ITPR1: variants seen among roughly 807,000 people sequenced by gnomAD.
The protein encoded by ITPR1 is inositol 1,4,5-trisphosphate receptor type 1, also known as inositol 1,4,5-trisphosphate-gated calcium channel ITPR1.
Under a neutral mutation model 318.4 loss-of-function variants are expected in ITPR1, and 96 were observed. The ratio of observed to expected loss-of-function variants is 0.30; its 90% CI spans 0.26 to 0.36. The LOEUF (loss-of-function observed/expected upper bound fraction) is 0.36, where lower values mean the gene tolerates loss of function less well. ITPR1 is among the 10% of genes least tolerant of loss of function. ITPR1 has a pLI of 1.00. For synonymous variants in ITPR1, 1,312 were observed against 1,289.9 expected, an observed-to-expected ratio of 1.02 and a Z score of -0.37; for missense variants, 2,440 against 3,460.2, an observed-to-expected ratio of 0.71 and a Z score of 7.40.
chr3:4,619,191 A>T (rs934029752), intron 4 of ITPR1, among the ~76,000 whole-genome samples: 7 of 151,840 alleles, frequency 4.6e-5, no homozygotes, highest in Non-Finnish European at 8.8e-5. Flanking sequence ...AGCCTTAAGG[A>T]TCTTCTCCTT....
chr3:4,788,722 C>T (rs1290101669), intron 52 of ITPR1, among the ~76,000 whole-genome samples: 1 of 152,248 alleles, frequency 6.6e-6, no homozygotes, highest in Non-Finnish European at 1.5e-5. Context: ...CAGGGGGCTT[C>T]TGTGTTCCTG....
intron 44 of ITPR1, among the ~76,000 whole-genome samples, chr3:4,739,642 C>T (rs1262333318): frequency 3.3e-5 from 5 of 152,182 alleles, no homozygotes; most frequent in Non-Finnish European, 7.4e-5. Context: ...ACCTCTTGTC[C>T]GTCCCACCTC....
Position 4,595,252 on chromosome 3 carries a change from C to T in ITPR1, c.164-32511C>T, listed in dbSNP as rs766362262. 7.2e-5 allele frequency among the ~76,000 whole-genome samples: 11 copies of T among 152,140 alleles called. 1 individual carries two copies. The highest frequency in any genetic ancestry group is 2.0e-4 in the Admixed American group (3 of 15,276). On this transcript the variant is annotated intron_variant, in intron 4 of 61. Coordinates refer to ENST00000649015, the MANE Select transcript of ITPR1 (RefSeq NM_001378452.1). ...AGGAAGCATGATGCTGGCATCTGCT[C>T]GGCTTCTGGGGAGGCTTCAGGAAAC...
At chr3:4,784,052 G>GCACCCA in intron 51 of ITPR1, 132 bp downstream of exon 51, 1 of 641,320 alleles carries the variant, frequency 1.6e-6, no homozygotes, top group Non-Finnish European at 2.7e-6. Context: ...GCTAGGTCCT[G>GCACCCA]GGCTGGGTGC....
At chr3:4,644,564 T>C (rs2093412373) in intron 8 of ITPR1, among the ~76,000 whole-genome samples, 1 of 152,192 alleles carries the variant, frequency 6.6e-6, no homozygotes, top group Admixed American at 6.5e-5. Flanking sequence ...TTCTAATTTG[T>C]CTCCATATAC....
intron 45 of ITPR1, among the ~76,000 whole-genome samples, chr3:4,767,960 T>G (rs942586177): frequency 2.0e-5 from 3 of 152,176 alleles, no homozygotes; most frequent in Non-Finnish European, 2.9e-5. Context: ...TAGGAGGCAG[T>G]GGAGCCAGCA....
chr3:4,561,104 C>G (rs966292802), intron 4 of ITPR1, among the ~76,000 whole-genome samples: 1 of 152,098 alleles, frequency 6.6e-6, no homozygotes, highest in Non-Finnish European at 1.5e-5. Context: ...GCTGACCTGG[C>G]TAGCTGTGAT....
At chr3:4,834,286 G>A (rs1422042653) in intron 60 of ITPR1, among the ~76,000 whole-genome samples, 2 of 152,194 alleles carry the variant, frequency 1.3e-5, no homozygotes, top group South Asian at 4.1e-4. Context: ...TATCAAAACT[G>A]TTTCTCCTTT....
chr3:4,749,576 T>G (rs142575313), intron 44 of ITPR1: 1 of 152,316 alleles, frequency 6.6e-6, no homozygotes, highest in Non-Finnish European at 1.5e-5. Flanking sequence ...CCGAAGACAT[T>G]TGCATTGGAA....
intron 61 of ITPR1, 143 bp from the exon 62 acceptor site, chr3:4,845,996 T>G: frequency 4.1e-6 from 2 of 489,260 alleles, no homozygotes; most frequent in Non-Finnish European, 7.4e-6. Flanking sequence ...AAGTGCTGTG[T>G]GTTTGATATA....
In ITPR1 at chr3:4,530,919, A is replaced by G. The variant is rs576263588; in HGVS notation, c.163+9825A>G. Among the ~76,000 whole-genome samples, 116 of 152,170 alleles carry G rather than the reference A, an allele frequency of 7.6e-4. 1 individual carries two copies. The highest frequency in any genetic ancestry group is 2.7e-3 in the African/African-American group (112 of 41,532). ...GATCTTTTTTCTCTCTTTCATGCCT[A>G]TAGTTTTGAGATTCCTTGGCTGCAT... On this transcript the variant is annotated intron_variant, in intron 4 of 61. Transcript: ENST00000649015.
chr3:4,837,009 C>T, intron 61 of ITPR1, 74 bp downstream of exon 61: 1 of 1,309,092 alleles, frequency 7.6e-7, no homozygotes, highest in Non-Finnish European at 1.0e-6. Flanking sequence ...CACACCAAAT[C>T]TGATGAGGAA....
chr3:4,693,407 TC>T, intron 32 of ITPR1, 82 bp from the exon 33 acceptor site: 1 of 1,466,040 alleles, frequency 6.8e-7, no homozygotes, highest in East Asian at 2.3e-5. Context: ...ACAGAACCTC[TC>T]TCTTCCTCTG....
intron 4 of ITPR1, among the ~76,000 whole-genome samples, chr3:4,543,663 G>C (rs1016254287): frequency 6.6e-6 from 1 of 152,066 alleles, no homozygotes; most frequent in Non-Finnish European, 1.5e-5. Context: ...GGCTGGTCTT[G>C]AACTCCTGAT....
intron 4 of ITPR1, among the ~76,000 whole-genome samples, chr3:4,589,623 A>G (rs975663700): frequency 6.6e-6 from 1 of 152,108 alleles, no homozygotes; most frequent in Non-Finnish European, 1.5e-5. Context: ...TCTTTCTACC[A>G]TGGCTGGAGC....
At chr3:4,647,026 A>C (rs1468340449) in intron 10 of ITPR1, among the ~76,000 whole-genome samples, 1 of 152,132 alleles carries the variant, frequency 6.6e-6, no homozygotes, top group Non-Finnish European at 1.5e-5. Context: ...AGAACAAGAA[A>C]TAGAATGATA....
intron 61 of ITPR1, among the ~76,000 whole-genome samples, chr3:4,840,045 T>TA (rs967313333): frequency 2.3e-5 from 1 of 43,716 alleles, no homozygotes; most frequent in African/African-American, 5.7e-5. Flanking sequence ...TTTTTTTTTT[T>TA]TTTTTTTTTT....
chr3:4,779,769 C>G lies in ITPR1; in HGVS notation c.6387+124C>G. ...CCCAAAGTCAGAAGTATAAAGGGAACATTGAATTCAGGCCTCTGACTGAGT... is the reference window on the plus strand; with the variant it reads ...CCCAAAGTCAGAAGTATAAAGGGAAGATTGAATTCAGGCCTCTGACTGAGT... On this transcript the variant is annotated intron_variant, in intron 49 of 61. Transcript: ENST00000649015. This position sits in a 1 kb window ranked among gnomAD's most constrained non-coding sequence, Gnocchi z 4.0. The G allele has an allele frequency of 1.7e-6, 1 of 596,492 alleles. No individual in the cohort carries two copies. Among genetic ancestry groups the G allele is most frequent in the South Asian group, 2.4e-5 (1 of 42,176 alleles). 36.9% of individuals were successfully genotyped at this position (596,492 alleles called of 1,614,324 possible). A position where few individuals can be genotyped will look rare whatever the true frequency, so the allele number is the denominator to read the frequency against.
rs34822261 is a variant in ITPR1, at chr3:4,787,537, G to GA, written c.6616-396dup. ...TAGTAAAACCCTGTCAATACTGGAG[G>GA]AAAAAAAAAAAAAAGCCAGGCGTGA... On this transcript the variant is annotated intron_variant, in intron 51 of 61. Coordinates refer to ENST00000649015, the MANE Select transcript of ITPR1 (RefSeq NM_001378452.1). Among the ~76,000 whole-genome samples the GA allele has an allele frequency of 1.3e-3, 169 of 130,374 alleles. 3 individuals are homozygous for GA. The highest frequency in any genetic ancestry group is 6.1e-3 in the South Asian group (24 of 3,952). The allele number at this position is 130,374 out of a possible 152,430, so 85.5% of individuals were successfully genotyped here.
Sources: allele counts gnomAD v4.1 joint callset (sites outside exome capture counted in the v4.1 genomes callset), GRCh38; gene constraint gnomAD v4.1.1; non-coding constraint Gnocchi (gnomAD v3.1); transcripts MANE v1.5; gene names NCBI Gene and HGNC (gene_info 2026-07-23, HGNC 2026-07-21).